SDHC: variants seen among roughly 807,000 people sequenced by gnomAD.
SDHC encodes the protein succinate dehydrogenase cytochrome b560 subunit, mitochondrial.
In SDHC, 11 loss-of-function variants were observed where a neutral mutation model predicts 22.6. The ratio of observed to expected loss-of-function variants is 0.49; its 90% CI spans 0.31 to 0.81. SDHC has a LOEUF of 0.81. Ranked by LOEUF, SDHC falls within the 30% of genes least tolerant of loss-of-function variation. SDHC has a pLI of 0.05. For missense variants in SDHC, 160 were observed against 212.0 expected, an observed-to-expected ratio of 0.75 and a Z score of 1.52; for synonymous variants, 80 against 77.8, an observed-to-expected ratio of 1.03 and a Z score of -0.15.
At chr1:161,314,618 G>A in intron 1 of SDHC, 193 bp downstream of exon 1, 2 of 640,986 alleles carry the variant, frequency 3.1e-6, no homozygotes, top group Non-Finnish European at 5.5e-6. Flanking sequence ...GCTCCGTAGG[G>A]CTTCGGGGTC....
intron 5 of SDHC, 54 bp downstream of exon 5, chr1:161,356,894 G>A: frequency 6.4e-7 from 1 of 1,563,100 alleles, no homozygotes. Flanking sequence ...GGGGAGACTG[G>A]GAGGATTCTT....
intron 2 of SDHC, among the ~76,000 whole-genome samples, chr1:161,327,497 T>C (rs911881293): frequency 6.6e-6 from 1 of 152,216 alleles, no homozygotes; most frequent in Admixed American, 6.5e-5. Context: ...GTAAACATGT[T>C]AGAACCGTGG....
At chr1:161,322,968 C>T (rs1029850231) in intron 1 of SDHC, among the ~76,000 whole-genome samples, 2 of 152,012 alleles carry the variant, frequency 1.3e-5, no homozygotes, top group Admixed American at 6.6e-5. Context: ...TTGTTAACCC[C>T]GTCTCTTAGA....
intron 1 of SDHC, among the ~76,000 whole-genome samples, chr1:161,319,662 G>T (rs907828261): frequency 6.6e-6 from 1 of 152,080 alleles, no homozygotes; most frequent in Non-Finnish European, 1.5e-5. Flanking sequence ...GGCCAGGCTT[G>T]TCTCAACCTC....
At chr1:161,344,942 G>A (rs754647112) in intron 4 of SDHC, among the ~76,000 whole-genome samples, 1 of 152,168 alleles carries the variant, frequency 6.6e-6, no homozygotes, top group Non-Finnish European at 1.5e-5. Flanking sequence ...TGTGGTCTTT[G>A]CATTCTTGTG....
At chr1:161,354,859 G>T (rs546039798) in intron 4 of SDHC, among the ~76,000 whole-genome samples, 9 of 151,666 alleles carry the variant, frequency 5.9e-5, no homozygotes, top group Non-Finnish European at 1.5e-5. Flanking sequence ...ACAGGTGTGC[G>T]CCACCACAAC....
At chr1:161,331,148 G>C (rs916991027) in intron 3 of SDHC, among the ~76,000 whole-genome samples, 1 of 152,032 alleles carries the variant, frequency 6.6e-6, no homozygotes, top group Non-Finnish European at 1.5e-5. Context: ...GGATCTACTA[G>C]TAACATGCTT....
At chr1:161,325,468 C>G (rs1244530940) in intron 2 of SDHC, among the ~76,000 whole-genome samples, 1 of 151,930 alleles carries the variant, frequency 6.6e-6, no homozygotes, top group African/African-American at 2.4e-5. Context: ...TTGCTTGAGC[C>G]CAGGAGTTTG....
At chr1:161,329,436 A>G (rs1671192115) in intron 3 of SDHC, among the ~76,000 whole-genome samples, 1 of 151,982 alleles carries the variant, frequency 6.6e-6, no homozygotes, top group Admixed American at 6.6e-5. Flanking sequence ...AGTTCAAGTG[A>G]TTCTTGTGCC....
chr1:161,318,286 A>G (rs181159028), intron 1 of SDHC, among the ~76,000 whole-genome samples: 1 of 152,168 alleles, frequency 6.6e-6, no homozygotes. Flanking sequence ...TCCCCCGCAT[A>G]TAAACATGTT....
chr1:161,362,239 A>G (rs75828402), intron 5 of SDHC, 90 bp from the exon 6 acceptor site: 52 of 1,440,650 alleles, frequency 3.6e-5, no homozygotes, highest in Admixed American at 1.6e-4. Context: ...GGAGATATCT[A>G]TTCCTTTAGG....
intron 5 of SDHC, among the ~76,000 whole-genome samples, chr1:161,357,597 C>T (rs1382337301): frequency 6.6e-6 from 1 of 151,970 alleles, no homozygotes; most frequent in Admixed American, 6.6e-5. Context: ...GATGGGGTTT[C>T]CCCATGTTAG....
intron 3 of SDHC, 76 bp from the exon 4 acceptor site, chr1:161,340,518 A>G (rs1671681989): frequency 1.6e-6 from 2 of 1,287,784 alleles, no homozygotes; most frequent in Admixed American, 3.5e-5. Context: ...ATTAGTTTAT[A>G]TTTTTGCCAA....
At chr1:161,361,020 A>G (rs1181717176) in intron 5 of SDHC, among the ~76,000 whole-genome samples, 2 of 151,944 alleles carry the variant, frequency 1.3e-5, no homozygotes, top group Non-Finnish European at 2.9e-5. Flanking sequence ...GGCTGAGGCA[A>G]GAGAATCGCT....
At chr1:161,356,891 CTG>C (rs1469986518) in intron 5 of SDHC, 51 bp downstream of exon 5, 13 of 1,559,290 alleles carry the variant, frequency 8.3e-6, no homozygotes, top group Non-Finnish European at 9.7e-6. Context: ...AGTGGGGAGA[CTG>C]GGAGGATTCT....
At chr1:161,339,591 A>G in intron 3 of SDHC, 1 of 1,245,798 alleles carries the variant, frequency 8.0e-7, no homozygotes, top group Non-Finnish European at 1.0e-6. Context: ...TGGTAAAGGT[A>G]GGGATCCTTC....
At chr1:161,339,175 A>C (rs1030209962) in intron 3 of SDHC, among the ~76,000 whole-genome samples, 4 of 151,778 alleles carry the variant, frequency 2.6e-5, no homozygotes, top group Non-Finnish European at 5.9e-5. Flanking sequence ...AATTGTATCA[A>C]CTGTATTTAT....
At chr1:161,332,527 A>G (rs1671316653) in intron 3 of SDHC, among the ~76,000 whole-genome samples, 2 of 152,154 alleles carry the variant, frequency 1.3e-5, no homozygotes, top group African/African-American at 4.8e-5. Context: ...TTGAAATACA[A>G]TTTGTATACC....
At position 161,316,128 on chromosome 1, in the gene SDHC, A is replaced by T. The variant is rs574734955; in HGVS notation, c.20+1703A>T. Among the ~76,000 whole-genome samples, 5 of 152,276 alleles carry T rather than the reference A, an allele frequency of 3.3e-5. No homozygotes were observed. The South Asian group carries it at 6.2e-4, about 19-fold the overall frequency. ...ATACAATCGGGTTTTACACCGAGACATTCCATTGCCCAGGGATGATCAGGA... is the reference window on the plus strand; with the variant it reads ...ATACAATCGGGTTTTACACCGAGACTTTCCATTGCCCAGGGATGATCAGGA... On this transcript the variant is annotated intron_variant, in intron 1 of 5. Coordinates refer to ENST00000367975, the MANE Select transcript of SDHC (RefSeq NM_003001.5).
Sources: allele counts gnomAD v4.1 joint callset (sites outside exome capture counted in the v4.1 genomes callset), GRCh38; gene constraint gnomAD v4.1.1; transcripts MANE v1.5; gene names NCBI Gene and HGNC (gene_info 2026-07-23, HGNC 2026-07-21).